Variants in LRP1B observed in about 807,000 individuals in gnomAD.
LRP1B encodes the protein LDL receptor related protein 1B.
Under a neutral mutation model 556.6 loss-of-function variants are expected in LRP1B, and 217 were observed. The ratio of observed to expected loss-of-function variants is 0.39; its 90% CI spans 0.35 to 0.44. The LOEUF (loss-of-function observed/expected upper bound fraction) is 0.44. Among genes scored for constraint, LRP1B ranks in the 20% least tolerant of loss-of-function variants. The probability of loss-of-function intolerance (pLI) is 1.00; values close to 1 mark genes in which losing one functional copy is unlikely to be tolerated. For synonymous variants in LRP1B, 2,047 were observed against 1,865.8 expected (o/e 1.10, Z -2.50); for missense variants, 5,053 against 5,620.8 (o/e 0.90, Z 3.23).
At chr2:140,553,982 A>C (rs1680640100) in intron 43 of LRP1B, among the ~76,000 whole-genome samples, 1 of 152,062 alleles carries the variant, frequency 6.6e-6, no homozygotes, top group South Asian at 2.1e-4. Flanking sequence ...TTCTATGGGG[A>C]AGCCCCTGGA....
At chr2:140,713,854 C>T (rs1206109599) in intron 37 of LRP1B, among the ~76,000 whole-genome samples, 1 of 152,074 alleles carries the variant, frequency 6.6e-6, no homozygotes, top group Non-Finnish European at 1.5e-5. Context: ...GCCTCCTCCA[C>T]AAAGCTTCTA....
intron 1 of LRP1B, among the ~76,000 whole-genome samples, chr2:142,105,041 C>A (rs1257608131): frequency 3.9e-5 from 6 of 152,162 alleles, no homozygotes; most frequent in Non-Finnish European, 7.4e-5. Context: ...GGACAACAAT[C>A]ACAGCACTTG....
At chr2:140,281,882 A>G (rs1183845035) in intron 84 of LRP1B, among the ~76,000 whole-genome samples, 1 of 151,702 alleles carries the variant, frequency 6.6e-6, no homozygotes, top group Non-Finnish European at 1.5e-5. Context: ...ATCCCTGCAG[A>G]GTGGTTTATG....
intron 7 of LRP1B, among the ~76,000 whole-genome samples, chr2:141,120,843 G>A (rs888687102): frequency 2.0e-5 from 3 of 151,972 alleles, no homozygotes; most frequent in Admixed American, 2.0e-4. Context: ...AGTGGTTACA[G>A]TCAGAAAATA....
At chr2:140,571,860 A>AAATGTTT (rs1681334445) in intron 43 of LRP1B, among the ~76,000 whole-genome samples, 1 of 151,744 alleles carries the variant, frequency 6.6e-6, no homozygotes, top group Non-Finnish European at 1.5e-5. Context: ...TTTACAGCCA[A>AAATGTTT]CTCATTTTTG....
intron 27 of LRP1B, among the ~76,000 whole-genome samples, chr2:140,859,790 C>T (rs907422760): frequency 3.3e-5 from 5 of 151,786 alleles, no homozygotes; most frequent in Admixed American, 2.0e-4. Flanking sequence ...GTCAGGAGAT[C>T]GAGACCATCC....
At chr2:141,392,187 T>C (rs1307008425) in intron 3 of LRP1B, among the ~76,000 whole-genome samples, 2 of 152,302 alleles carry the variant, frequency 1.3e-5, no homozygotes, top group African/African-American at 2.4e-5. Flanking sequence ...TATTTCATTA[T>C]GTTTAAGTTC....
chr2:141,501,054 A>T (rs1389815895), intron 2 of LRP1B, among the ~76,000 whole-genome samples: 3 of 152,158 alleles, frequency 2.0e-5, no homozygotes, highest in African/African-American at 7.2e-5. Flanking sequence ...TCAAACAACA[A>T]AAACATATAT....
intron 35 of LRP1B, among the ~76,000 whole-genome samples, chr2:140,762,044 C>A (rs1688944447): frequency 6.6e-6 from 1 of 151,992 alleles, no homozygotes; most frequent in Non-Finnish European, 1.5e-5. Flanking sequence ...GAAGCTGTGC[C>A]ATGAGTCTTC....
At chr2:141,865,571 G>A (rs1698384245) in intron 1 of LRP1B, among the ~76,000 whole-genome samples, 2 of 117,834 alleles carry the variant, frequency 1.7e-5, no homozygotes, top group Non-Finnish European at 1.6e-5. Context: ...CAGCCTGGGC[G>A]ACAGAGCGAG....
intron 43 of LRP1B, among the ~76,000 whole-genome samples, chr2:140,547,583 T>G (rs543863537): frequency 6.6e-6 from 1 of 152,202 alleles, no homozygotes; most frequent in East Asian, 1.9e-4. Flanking sequence ...TCTAGTTTAT[T>G]AATTTTTTTT....
intron 20 of LRP1B, among the ~76,000 whole-genome samples, chr2:140,940,489 T>G (rs1251432963): frequency 1.3e-5 from 2 of 152,256 alleles, no homozygotes; most frequent in East Asian, 3.9e-4. Flanking sequence ...AAGACTGAAG[T>G]TTCATGATAA....
At chr2:141,724,277 T>C (rs571155128) in intron 2 of LRP1B, among the ~76,000 whole-genome samples, 4 of 152,084 alleles carry the variant, frequency 2.6e-5, no homozygotes, top group African/African-American at 9.6e-5. Context: ...TTACCTCATC[T>C]TATTTGGAAA....
rs377577096 is a variant in LRP1B, at chr2:141,909,526, A to ATTTTTT, written c.83-99131_83-99126dup. Among the ~76,000 whole-genome samples, 12 of 93,394 alleles carry ATTTTTT rather than the reference A, an allele frequency of 1.3e-4. 1 individual carries two copies. The highest frequency in any genetic ancestry group is 4.7e-4 in the African/African-American group (10 of 21,424). The allele number at this position is 93,394 out of a possible 152,430, so 61.3% of individuals were successfully genotyped here. On this transcript the variant is annotated intron_variant, in intron 1 of 90. Coordinates refer to ENST00000389484, the MANE Select transcript of LRP1B (RefSeq NM_018557.3). ...ATTTAATCAGACTAAGGTCTCAGAC[A>ATTTTTT]TTTTTTTTTTTTTTTTTTTTTTTTT... is the stretch of plus-strand genomic sequence containing the variant.
intron 2 of LRP1B, among the ~76,000 whole-genome samples, chr2:141,677,894 G>T (rs1690948725): frequency 2.0e-5 from 3 of 152,194 alleles, no homozygotes; most frequent in African/African-American, 4.8e-5. Flanking sequence ...TAAGCTGACA[G>T]CTGTAGAGAC....
chr2:142,019,082 C>T (rs1439307025), intron 1 of LRP1B, among the ~76,000 whole-genome samples: 1 of 152,120 alleles, frequency 6.6e-6, no homozygotes, highest in Non-Finnish European at 1.5e-5. Context: ...TTGTCACTTG[C>T]AGAACTTTTT....
At chr2:141,160,086 G>A (rs1679938547) in intron 7 of LRP1B, among the ~76,000 whole-genome samples, 1 of 151,950 alleles carries the variant, frequency 6.6e-6, no homozygotes, top group African/African-American at 2.4e-5. Context: ...TGCATGTTCT[G>A]CACATGTATC....
At chr2:141,227,277 C>T (rs2105289178) in intron 6 of LRP1B, among the ~76,000 whole-genome samples, 1 of 152,258 alleles carries the variant, frequency 6.6e-6, no homozygotes, top group Admixed American at 6.5e-5. Flanking sequence ...AATAATTCTA[C>T]TGCGCAACTT....
chr2:140,278,711 A>C (rs1298235925), intron 84 of LRP1B, among the ~76,000 whole-genome samples: 1 of 152,036 alleles, frequency 6.6e-6, no homozygotes, highest in Non-Finnish European at 1.5e-5. Context: ...TCTAAATTGC[A>C]TGTTTTTAAG....
Sources: gnomAD v4.1 joint callset for allele counts (sites outside exome capture counted in the v4.1 genomes callset) on GRCh38, gnomAD v4.1.1 for gene constraint, MANE v1.5 for transcripts, NCBI Gene and HGNC (gene_info 2026-07-23, HGNC 2026-07-21) for gene names.